Variants in VWA3B observed in about 807,000 individuals in gnomAD.
VWA3B encodes von Willebrand factor A domain containing 3B, also known as von Willebrand factor A domain-containing protein 3B.
Under a neutral mutation model 158.3 loss-of-function variants are expected in VWA3B, and 138 were observed. The observed-to-expected ratio is 0.87, with a 90% CI of 0.76 to 1.00. The LOEUF is 1.00. Ranked by LOEUF, VWA3B falls within the 50% of genes least tolerant of loss-of-function variation. The probability of loss-of-function intolerance (pLI) is 0.00; values close to 1 mark genes in which losing one functional copy is unlikely to be tolerated. For synonymous variants in VWA3B, 596 were observed against 587.3 expected, an observed-to-expected ratio of 1.01 and a Z score of -0.21; for missense variants, 1,555 against 1,565.1, an observed-to-expected ratio of 0.99 and a Z score of 0.11.
intron 23 of VWA3B, among the ~76,000 whole-genome samples, chr2:98,296,389 A>G (rs1382802891): frequency 1.4e-5 from 2 of 138,116 alleles, no homozygotes; most frequent in Admixed American, 1.5e-4. Flanking sequence ...CTGATTAAAA[A>G]GGTAAAGTCA....
At chr2:98,190,478 C>T (rs145646022) in intron 10 of VWA3B, among the ~76,000 whole-genome samples, 46 of 152,280 alleles carry the variant, frequency 3.0e-4, no homozygotes, top group Non-Finnish European at 5.9e-5. Context: ...CCTTTGTATG[C>T]ATCCACATTT....
chr2:98,316,943 G>A (rs181644743), downstream of VWA3B, among the ~76,000 whole-genome samples: 11 of 152,184 alleles, frequency 7.2e-5, no homozygotes, highest in Non-Finnish European at 1.2e-4. Flanking sequence ...TACATCCTGC[G>A]GAACCATGAG....
intron 22 of VWA3B, among the ~76,000 whole-genome samples, chr2:98,288,342 T>C (rs897516262): frequency 6.6e-6 from 1 of 152,334 alleles, no homozygotes; most frequent in Non-Finnish European, 1.5e-5. Context: ...GTAGTTTCCA[T>C]GTCAGTTCAG....
intron 22 of VWA3B, among the ~76,000 whole-genome samples, chr2:98,281,447 C>T (rs1025866948): frequency 1.3e-5 from 2 of 152,090 alleles, no homozygotes; most frequent in African/African-American, 2.4e-5. Flanking sequence ...GCTGCTGTTA[C>T]GACAATTAGG....
At chr2:98,092,816 GTATATATATATA>G (rs70940110) in intron 1 of VWA3B, among the ~76,000 whole-genome samples, 1,274 of 51,488 alleles carry the variant, frequency 0.025, 27 homozygotes, top group East Asian at 0.13. Context: ...AGATGTTTTT[GTATATATATATA>G]TATATATATA....
At chr2:98,128,534 T>C in intron 6 of VWA3B, 126 bp downstream of exon 6, 8 of 917,696 alleles carry the variant, frequency 8.7e-6, no homozygotes, top group Non-Finnish European at 1.3e-5. Flanking sequence ...TTCCAGTATA[T>C]TATTTAGTCT....
At chr2:98,202,331 T>C (rs1337191373) in intron 12 of VWA3B, among the ~76,000 whole-genome samples, 1 of 152,208 alleles carries the variant, frequency 6.6e-6, no homozygotes, top group South Asian at 2.1e-4. Flanking sequence ...ATTTCCTTAA[T>C]GTTTGTGGGA....
At position 98,236,691 on chromosome 2, in the gene VWA3B, C is replaced by A; in HGVS notation, c.2634C>A (p.Pro878=). Residue 878 remains proline (P), a synonymous_variant, in exon 19 of 28, where the codon CCC becomes CCA. Coordinates refer to ENST00000477737, the MANE Select transcript of VWA3B (RefSeq NM_144992.5). ...AAVPHSSTYV[P]VLDKHVVSKV... is the part of the protein sequence containing the mutation. The stretch of plus-strand genomic sequence containing the variant: ...TCCCGCACAGCTCCACCTATGTTCC[C>A]GTCCTGGACAAGCATGTCGTGTCTA... The A allele has an allele frequency of 6.2e-7, 1 of 1,614,198 alleles. No homozygotes were observed. The highest frequency in any genetic ancestry group is 1.1e-5 in the South Asian group (1 of 91,072).
chr2:98,173,632 G>A (rs1048396455), intron 8 of VWA3B, among the ~76,000 whole-genome samples: 9 of 152,186 alleles, frequency 5.9e-5, no homozygotes, highest in African/African-American at 2.2e-4. Flanking sequence ...TGCGATACAG[G>A]TATGGTGAAA....
intron 22 of VWA3B, among the ~76,000 whole-genome samples, chr2:98,277,694 G>A (rs908116095): frequency 2.0e-5 from 3 of 152,186 alleles, no homozygotes; most frequent in African/African-American, 7.2e-5. Flanking sequence ...GGGAGAAAGA[G>A]AGCGTTAGGA....
In VWA3B at chr2:98,311,957, G is replaced by T; in HGVS notation, c.3660G>T (p.Ala1220=). ...RPAKQPLQQA[A]PSDSDGSSHG... is the part of the protein sequence containing the mutation. ...CCAAGCAGCCACTCCAGCAGGCGGC[G>T]CCCTCGGACTCGGACGGCTCCTCCC... The change falls in exon 27 of 28, where the codon GCG becomes GCT. Residue 1220 remains alanine (A), a synonymous_variant. Coordinates refer to ENST00000477737, the MANE Select transcript of VWA3B (RefSeq NM_144992.5). The T allele has an allele frequency of 6.2e-7, 1 of 1,606,398 alleles. No homozygotes were observed.
intron 23 of VWA3B, among the ~76,000 whole-genome samples, chr2:98,295,430 C>T (rs534175140): frequency 6.6e-6 from 1 of 152,326 alleles, no homozygotes; most frequent in Admixed American, 6.5e-5. Flanking sequence ...TTCTCTGACC[C>T]CTGAGCACCC....
In VWA3B at chr2:98,119,493, T is replaced by G; in HGVS notation, c.292-20T>G. ...TATTTTGGTGTTGTTTTATTGTTTT[T>G]GTCTTTTATTTTCATTAAGCTGACA... On this transcript the variant is annotated intron_variant, in intron 3 of 27. Coordinates refer to ENST00000477737, the MANE Select transcript of VWA3B (RefSeq NM_144992.5). 1.2e-6 allele frequency: 2 copies of G among 1,611,388 alleles called. No homozygotes were observed. Among genetic ancestry groups the G allele is most frequent in the Non-Finnish European group, 1.7e-6 (2 of 1,178,776 alleles).
At chr2:98,149,029 A>G (rs1677399157) in intron 7 of VWA3B, among the ~76,000 whole-genome samples, 1 of 152,002 alleles carries the variant, frequency 6.6e-6, no homozygotes, top group Admixed American at 6.6e-5. Context: ...AAGGCACACT[A>G]TTTTTCTCAT....
At chr2:98,239,540 T>A (rs1002617885) in intron 19 of VWA3B, among the ~76,000 whole-genome samples, 23 of 151,602 alleles carry the variant, frequency 1.5e-4, no homozygotes, top group African/African-American at 2.9e-4. Context: ...TTTTTTTTTT[T>A]AAATTTATGT....
At chr2:98,246,438 TGCAATCTCG>T (rs1440945511) in intron 19 of VWA3B, among the ~76,000 whole-genome samples, 1 of 152,048 alleles carries the variant, frequency 6.6e-6, no homozygotes, top group African/African-American at 2.4e-5. Context: ...AGTGCAGTGG[TGCAATCTCG>T]GCTCACTGCA....
At chr2:98,225,654 T>A (rs1233793245) in intron 14 of VWA3B, among the ~76,000 whole-genome samples, 2 of 152,008 alleles carry the variant, frequency 1.3e-5, no homozygotes, top group Admixed American at 6.6e-5. Flanking sequence ...GAAATAAAAC[T>A]TTTTATGTGC....
intron 13 of VWA3B, among the ~76,000 whole-genome samples, chr2:98,215,244 C>A (rs1273403683): frequency 1.3e-5 from 2 of 151,792 alleles, no homozygotes; most frequent in Non-Finnish European, 2.9e-5. Context: ...AGATCAAGAC[C>A]ATCCCGGCTA....
intron 21 of VWA3B, among the ~76,000 whole-genome samples, chr2:98,269,093 A>G (rs1003315112): frequency 1.3e-5 from 2 of 152,054 alleles, no homozygotes; most frequent in East Asian, 3.8e-4. Context: ...TGATTGGGCC[A>G]TTTCCTCATA....
Sources: gnomAD v4.1 joint callset for allele counts (sites outside exome capture counted in the v4.1 genomes callset) on GRCh38, gnomAD v4.1.1 for gene constraint, MANE v1.5 for transcripts, NCBI Gene and HGNC (gene_info 2026-07-23, HGNC 2026-07-21) for gene names.